Variants in PCDHGB6 observed in about 807,000 individuals in gnomAD.
PCDHGB6 encodes protocadherin gamma subfamily B, 6.
PCDHGB6 carries 51 observed loss-of-function variants against 59.1 expected under a neutral mutation model. The observed-to-expected ratio is 0.86, with a 90% CI of 0.69 to 1.09. The LOEUF (loss-of-function observed/expected upper bound fraction) is 1.09, where lower values mean the gene tolerates loss of function less well. Among genes scored for constraint, PCDHGB6 ranks in the 50% least tolerant of loss-of-function variants. The probability of loss-of-function intolerance (pLI) is 0.00; values close to 1 mark genes in which losing one functional copy is unlikely to be tolerated. For missense variants in PCDHGB6, 1,148 were observed against 1,205.1 expected (o/e 0.95, Z 0.70); for synonymous variants, 466 against 495.1 (o/e 0.94, Z 0.78).
At chr5:141,442,033 G>T (rs2098292928) in intron 1 of PCDHGB6, 1 of 209,534 alleles carries the variant, frequency 4.8e-6, no homozygotes, top group Non-Finnish European at 9.8e-6. Context: ...AAAGCGACTC[G>T]CCAGCGCCTA....
At chr5:141,460,985 ATATATATATATGTG>A (rs2099005673) in intron 1 of PCDHGB6, among the ~76,000 whole-genome samples, 1 of 91,766 alleles carries the variant, frequency 1.1e-5, no homozygotes, top group Non-Finnish European at 2.2e-5. Flanking sequence ...GTGTGTGTGT[ATATATATATATGTG>A]TATATATATA....
At chr5:141,446,985 C>T (rs1411339328) in intron 1 of PCDHGB6, among the ~76,000 whole-genome samples, 1 of 152,064 alleles carries the variant, frequency 6.6e-6, no homozygotes, top group Non-Finnish European at 1.5e-5. Context: ...AATTCATACT[C>T]CACTCTTCAG....
At chr5:141,474,062 C>A (rs745636246) in intron 1 of PCDHGB6, among the ~76,000 whole-genome samples, 2 of 152,104 alleles carry the variant, frequency 1.3e-5, no homozygotes, top group Non-Finnish European at 2.9e-5. Context: ...AGAGCGAGAT[C>A]CTGCCTCAGA....
Position 141,486,006 on chromosome 5 carries a change from C to G in PCDHGB6, c.2419-8801C>G, listed in dbSNP as rs1394484191. The G allele has an allele frequency of 1.9e-6, 3 of 1,614,190 alleles. No individual in the cohort carries two copies. The highest frequency in any genetic ancestry group is 1.1e-5 in the South Asian group (1 of 91,084). On this transcript the variant is annotated intron_variant, in intron 1 of 3. Transcript: ENST00000520790. The surrounding 1 kb of genome is among the most constrained non-coding windows in gnomAD (Gnocchi z 5.0). Reference sequence around the variant, plus strand: ...GACCTGGGTCCCAGTGGTAACGTCACCTTTTATTTCAGTGGTCATACCCCT... The same window carrying G: ...GACCTGGGTCCCAGTGGTAACGTCAGCTTTTATTTCAGTGGTCATACCCCT...
Position 141,431,478 on chromosome 5 carries a change from C to T in PCDHGB6, c.2418+20858C>T, listed in dbSNP as rs1163422580. On this transcript the variant is annotated intron_variant, in intron 1 of 3. Coordinates refer to ENST00000520790, the MANE Select transcript of PCDHGB6 (RefSeq NM_018926.3). The surrounding 1 kb of genome is among the most constrained non-coding windows in gnomAD (Gnocchi z 4.8). ...GTTCTGGATGCGAACGACAACGCAC[C>T]AGCGTTTGCTCAGCCCGAGTACCGC... The T allele has an allele frequency of 6.2e-7, 1 of 1,613,748 alleles. No individual in the cohort carries two copies. The highest frequency in any genetic ancestry group is 8.5e-7 in the Non-Finnish European group (1 of 1,179,976).
chr5:141,482,529 G>GAAAAAAAA (rs1256461887), intron 1 of PCDHGB6, among the ~76,000 whole-genome samples: 1 of 56,042 alleles, frequency 1.8e-5, no homozygotes, highest in Admixed American at 1.9e-4. Context: ...AGACAGACAT[G>GAAAAAAAA]CAAAAAAAAA....
Position 141,477,588 on chromosome 5 carries a change from G to T in PCDHGB6, c.2419-17219G>T. 1 of 1,614,152 alleles carries T rather than the reference G, an allele frequency of 6.2e-7. No individual in the cohort carries two copies. The highest frequency in any genetic ancestry group is 8.5e-7 in the Non-Finnish European group (1 of 1,180,040). ...GACCCCGACGCCCCGCAGAATGCTCGGCTTTCTTTCTTTCTCTTGGAGCAA... is the reference window on the plus strand; with the variant it reads ...GACCCCGACGCCCCGCAGAATGCTCTGCTTTCTTTCTTTCTCTTGGAGCAA... On this transcript the variant is annotated intron_variant, in intron 1 of 3. Coordinates refer to ENST00000520790, the MANE Select transcript of PCDHGB6 (RefSeq NM_018926.3). This position sits in a 1 kb window ranked among gnomAD's most constrained non-coding sequence, Gnocchi z 4.9.
Position 141,408,050 on chromosome 5 carries a change from G to C in PCDHGB6, c.-153G>C. On this transcript the variant is annotated 5_prime_UTR_variant, in exon 1 of 4. Coordinates refer to ENST00000520790, the MANE Select transcript of PCDHGB6 (RefSeq NM_018926.3). ...AGAAGAAAACCAGCTCCCACACAGA[G>C]CCTCCCGGCTGCGCAGACCTTTCCC... 1 of 1,259,544 alleles carries C rather than the reference G, an allele frequency of 7.9e-7. No individual in the cohort carries two copies. The highest frequency in any genetic ancestry group is 1.6e-5 in the South Asian group (1 of 62,262). 78.0% of individuals were successfully genotyped at this position (1,259,544 alleles called of 1,614,324 possible).
rs754953894 is a variant in PCDHGB6 at position 141,409,856 on chromosome 5, G to T, written c.1654G>T (p.Val552Leu). 4.0e-5 allele frequency: 64 copies of T among 1,612,232 alleles called. No individual in the cohort carries two copies. Among genetic ancestry groups the T allele is most frequent in the Non-Finnish European group, 5.3e-5 (62 of 1,179,390 alleles). Residue 552 changes from valine to leucine, a missense_variant, in exon 1 of 4, where the codon GTG (valine) becomes TTG (leucine). Coordinates refer to ENST00000520790, the MANE Select transcript of PCDHGB6 (RefSeq NM_018926.3). ...LSANVSLRVL[V>L]GDRNDNAPRV... ...CGCCAACGTGAGCCTGCGCGTGTTG[G>T]TGGGAGACCGCAATGACAACGCACC... is the stretch of plus-strand genomic sequence containing the variant.
chr5:141,427,971 C>T (rs764145525), intron 1 of PCDHGB6: 1 of 1,593,512 alleles, frequency 6.3e-7, no homozygotes, highest in African/African-American at 1.3e-5. Flanking sequence ...GGTGCTGTAC[C>T]CCGCGCTGGG....
intron 1 of PCDHGB6, chr5:141,430,844 A>C: frequency 6.4e-7 from 1 of 1,571,464 alleles, no homozygotes; most frequent in Non-Finnish European, 8.6e-7. Flanking sequence ...GACCGGATGC[A>C]CCCAGATACG....
intron 1 of PCDHGB6, chr5:141,423,852 GT>G (rs971165220): frequency 2.5e-5 from 32 of 1,279,282 alleles, no homozygotes; most frequent in Non-Finnish European, 3.0e-5. Context: ...CTTTCAGAAC[GT>G]TTTTGTGAAA....
chr5:141,423,213 C>A, intron 1 of PCDHGB6: 1 of 1,613,710 alleles, frequency 6.2e-7, no homozygotes, highest in Non-Finnish European at 8.5e-7. Flanking sequence ...TCACGCTCAC[C>A]GTGGCTGTGG....
chr5:141,497,796 TC>T (rs1251163385), intron 2 of PCDHGB6, among the ~76,000 whole-genome samples: 2 of 152,160 alleles, frequency 1.3e-5, no homozygotes, highest in African/African-American at 2.4e-5. Context: ...TGCTTCAGCT[TC>T]CCAAAGTGCT....
chr5:141,459,595 T>C (rs904266180), intron 1 of PCDHGB6, among the ~76,000 whole-genome samples: 10 of 152,232 alleles, frequency 6.6e-5, no homozygotes, highest in African/African-American at 9.6e-5. Context: ...TCATATGAAA[T>C]GGGAAGTATA....
At chr5:141,423,102 C>T (rs778561065) in intron 1 of PCDHGB6, 7 of 1,613,920 alleles carry the variant, frequency 4.3e-6, no homozygotes, top group Non-Finnish European at 4.2e-6. Context: ...AGCACACGGG[C>T]GAGGTGCGTA....
At chr5:141,438,875 A>G (rs2098071820) in intron 1 of PCDHGB6, among the ~76,000 whole-genome samples, 1 of 151,738 alleles carries the variant, frequency 6.6e-6, no homozygotes. Flanking sequence ...CAAGTTGGCC[A>G]GGCTGCTCTT....
intron 1 of PCDHGB6, chr5:141,428,207 T>G (rs1213295979): frequency 7.6e-7 from 1 of 1,308,340 alleles, no homozygotes; most frequent in African/African-American, 1.4e-5. Context: ...GCCGCTACGC[T>G]TCACCTAGTC....
At chr5:141,494,759 C>G (rs776923097) in intron 1 of PCDHGB6, 48 bp from the exon 2 acceptor site, 2 of 1,613,886 alleles carry the variant, frequency 1.2e-6, no homozygotes, top group Middle Eastern at 1.6e-4. Flanking sequence ...GGGTGACATT[C>G]TAACTTCTCA....
Sources: allele counts gnomAD v4.1 joint callset (sites outside exome capture counted in the v4.1 genomes callset), GRCh38; gene constraint gnomAD v4.1.1; non-coding constraint Gnocchi (gnomAD v3.1); transcripts MANE v1.5; gene names NCBI Gene and HGNC (gene_info 2026-07-23, HGNC 2026-07-21).